The following TIMM17A variants were observed in gnomAD, a reference collection of about 807,000 sequenced individuals.
TIMM17A encodes the protein translocase of inner mitochondrial membrane 17A.
Under a neutral mutation model 26.5 loss-of-function variants are expected in TIMM17A, and 15 were observed. That is an observed-to-expected ratio of 0.57 (90% confidence interval 0.38 to 0.87). The LOEUF (loss-of-function observed/expected upper bound fraction) is 0.87, where lower values mean the gene tolerates loss of function less well. Ranked by LOEUF, TIMM17A falls within the 40% of genes least tolerant of loss-of-function variation. TIMM17A has a pLI of 0.00. For missense variants in TIMM17A, 201 were observed against 210.0 expected (o/e 0.96, Z 0.27); for synonymous variants, 80 against 70.8 (o/e 1.13, Z -0.66).
At chr1:201,966,991 T>TTGTGTGTGTGTGTGTGTGTGTG (rs759557626) in intron 5 of TIMM17A, among the ~76,000 whole-genome samples, 11 of 133,098 alleles carry the variant, frequency 8.3e-5, no homozygotes, top group Non-Finnish European at 1.3e-4. Flanking sequence ...ATTATATATG[T>TTGTGTGTGTGTGTGTGTGTGTG]TGTGTGTGTG....
intron 1 of TIMM17A, 79 bp downstream of exon 1, chr1:201,955,631 G>C (rs1341545048): frequency 6.3e-7 from 1 of 1,596,508 alleles, no homozygotes; most frequent in East Asian, 2.2e-5. Context: ...GGCTCCCAAG[G>C]TGCAAGCCAG....
rs541386379 is a variant in TIMM17A, at chr1:201,969,708, A to G, written c.*154A>G. The G allele has an allele frequency of 1.1e-5, 6 of 560,028 alleles. No individual in the cohort carries two copies. The highest frequency in any genetic ancestry group is 1.9e-5 in the African/African-American group (1 of 52,396). 34.7% of individuals were successfully genotyped at this position (560,028 alleles called of 1,614,324 possible). A position where few individuals can be genotyped will look rare whatever the true frequency, so the allele number is the denominator to read the frequency against. The stretch of plus-strand genomic sequence containing the variant: ...TTAGCACTTTTTTCTATTTAAAGGA[A>G]CAAGCGGGGAAGGGTGCTAAAAGAT... On this transcript the variant is annotated 3_prime_UTR_variant, in exon 6 of 6. Transcript: ENST00000367287.
rs538440916 is a variant in TIMM17A, at chr1:201,967,136, A to G, written c.430+1593A>G. ...TTTTGGAGCTTGGAAAAGATTCAGC[A>G]TAAAGTTAGGAATAGATCATACATC... On this transcript the variant is annotated intron_variant, in intron 5 of 5. Coordinates refer to ENST00000367287, the MANE Select transcript of TIMM17A (RefSeq NM_006335.3). 3.3e-5 allele frequency among the ~76,000 whole-genome samples: 5 copies of G among 151,978 alleles called. No individual in the cohort carries two copies. The East Asian group carries it at 9.6e-4, about 29-fold the overall frequency.
intron 5 of TIMM17A, among the ~76,000 whole-genome samples, chr1:201,968,247 C>T (rs963962320): frequency 6.6e-5 from 10 of 151,494 alleles, no homozygotes; most frequent in Admixed American, 4.6e-4. Flanking sequence ...GTGATCCGCC[C>T]GCCTTGACCT....
Position 201,957,386 on chromosome 1 carries a change from T to A in TIMM17A, c.126+6T>A. 6.2e-7 allele frequency: 1 copy of A among 1,608,540 alleles called. No individual in the cohort carries two copies. Among genetic ancestry groups the A allele is most frequent in the Non-Finnish European group, 8.5e-7 (1 of 1,175,086 alleles). Reference sequence around the variant, plus strand: ...GTTTTCGCAATTCTCCAGTGGTAAGTGGGTGAATGGTCTTATTTTATCATC... The same window carrying A: ...GTTTTCGCAATTCTCCAGTGGTAAGAGGGTGAATGGTCTTATTTTATCATC... On this transcript the variant is annotated splice_donor_region_variant and intron_variant, in intron 2 of 5. Transcript: ENST00000367287.
intron 5 of TIMM17A, among the ~76,000 whole-genome samples, chr1:201,968,972 T>C (rs1039023552): frequency 2.0e-5 from 3 of 152,192 alleles, no homozygotes; most frequent in Admixed American, 6.6e-5. Flanking sequence ...TGTTCTACAG[T>C]AAGCTAGGGG....
At chr1:201,961,125 G>A (rs1449256653) in intron 3 of TIMM17A, among the ~76,000 whole-genome samples, 1 of 151,014 alleles carries the variant, frequency 6.6e-6, no homozygotes, top group Non-Finnish European at 1.5e-5. Flanking sequence ...GAGTGCAATG[G>A]CGCGGTCTCG....
At chr1:201,956,469 T>C (rs1682410986) in intron 1 of TIMM17A, among the ~76,000 whole-genome samples, 2 of 152,166 alleles carry the variant, frequency 1.3e-5, no homozygotes, top group African/African-American at 4.8e-5. Flanking sequence ...TATGTTCCCC[T>C]CTCCCATAAA....
intron 5 of TIMM17A, 100 bp from the exon 6 acceptor site, chr1:201,969,368 AT>A (rs1053232657): frequency 3.8e-5 from 36 of 939,720 alleles, no homozygotes; most frequent in South Asian, 3.0e-4. Context: ...AATTTAGCAC[AT>A]TTTTTTGTTG....
intron 5 of TIMM17A, among the ~76,000 whole-genome samples, chr1:201,967,948 A>T (rs1486438953): frequency 2.0e-5 from 3 of 152,052 alleles, no homozygotes; most frequent in African/African-American, 4.8e-5. Flanking sequence ...TAGGGGGGAA[A>T]TCTTTGAAAA....
At chr1:201,958,118 CAA>C (rs1682462630) in intron 3 of TIMM17A, 1 of 152,754 alleles carries the variant, frequency 6.5e-6, no homozygotes, top group Non-Finnish European at 1.5e-5. Flanking sequence ...TCCTGGGCAA[CAA>C]GAGCGAAACT....
chr1:201,957,894 T>C (rs1358505220), intron 3 of TIMM17A: 1 of 219,278 alleles, frequency 4.6e-6, no homozygotes, highest in Non-Finnish European at 9.0e-6. Flanking sequence ...TCCCAGCACT[T>C]TGGGAGGCCG....
In TIMM17A at chr1:201,961,400, G is replaced by A. The variant is rs58025104; in HGVS notation, c.191-2216G>A. On this transcript the variant is annotated intron_variant, in intron 3 of 5. Coordinates refer to ENST00000367287, the MANE Select transcript of TIMM17A (RefSeq NM_006335.3). ...ATATTTTCATAGAGAAAATAAGATAGGATTTTGACATGTCCCTGTTACTCT... is the reference window on the plus strand; with the variant it reads ...ATATTTTCATAGAGAAAATAAGATAAGATTTTGACATGTCCCTGTTACTCT... Among the ~76,000 whole-genome samples the A allele has an allele frequency of 7.6e-3, 1,163 of 152,124 alleles. 15 individuals are homozygous for A. Among genetic ancestry groups the A allele is most frequent in the African/African-American group, 0.026 (1,090 of 41,520 alleles).
At position 201,955,534 on chromosome 1, in the gene TIMM17A, A is replaced by T. The variant is rs763958411; in HGVS notation, c.8A>T (p.Glu3Val). The change falls in exon 1 of 6, where the codon GAG becomes GTG. Residue 3 changes from glutamate to valine, a missense_variant. Glu to Val is a moderately radical substitution (Grantham distance 121). Transcript: ENST00000367287. ...CGCGGCATTGGAGTCAAGATGGAGGAGTACGCGCGAGAGCCTTGGTGAGCT... is the reference window on the plus strand; with the variant it reads ...CGCGGCATTGGAGTCAAGATGGAGGTGTACGCGCGAGAGCCTTGGTGAGCT... ME[E>V]YAREPCPWRI... is the part of the protein sequence containing the mutation. 1.9e-6 allele frequency: 3 copies of T among 1,614,250 alleles called. No individual in the cohort carries two copies. In the East Asian group the frequency reaches 6.7e-5, roughly 36 times the overall value.
chr1:201,962,949 A>G (rs891905543), intron 3 of TIMM17A: 5 of 152,268 alleles, frequency 3.3e-5, no homozygotes, highest in African/African-American at 1.2e-4. Context: ...GAAAGAAAAG[A>G]AGAACGAAAG....
intron 3 of TIMM17A, among the ~76,000 whole-genome samples, chr1:201,959,306 A>C (rs890271375): frequency 6.6e-6 from 1 of 151,814 alleles, no homozygotes; most frequent in Non-Finnish European, 1.5e-5. Context: ...CAGTGAGCCG[A>C]GATTGCACCA....
chr1:201,961,066 C>CTTT (rs71141429), intron 3 of TIMM17A, among the ~76,000 whole-genome samples: 118 of 136,064 alleles, frequency 8.7e-4, no homozygotes, highest in African/African-American at 3.0e-3. Flanking sequence ...CTTATATTTT[C>CTTT]TTTTTTTTTT....
intron 5 of TIMM17A, 38 bp from the exon 6 acceptor site, chr1:201,969,431 C>G: frequency 2.1e-6 from 3 of 1,447,186 alleles, no homozygotes; most frequent in Non-Finnish European, 2.9e-6. Flanking sequence ...ATATAATATT[C>G]AGGTGATTTT....
rs936661316 is a variant in TIMM17A at position 201,966,892 on chromosome 1, GTTATATA to G, written c.430+1358_430+1364del. Among the ~76,000 whole-genome samples the G allele has an allele frequency of 1.2e-3, 171 of 145,024 alleles. 1 individual carries two copies. Among genetic ancestry groups the G allele is most frequent in the African/African-American group, 4.0e-3 (158 of 39,514 alleles). ...TATATGTTATATATATGCTATATAT[GTTATATA>G]TTATATATGTTATATAATATGTATG... On this transcript the variant is annotated intron_variant, in intron 5 of 5. Coordinates refer to ENST00000367287, the MANE Select transcript of TIMM17A (RefSeq NM_006335.3).
Sources: allele counts gnomAD v4.1 joint callset (sites outside exome capture counted in the v4.1 genomes callset), GRCh38; gene constraint gnomAD v4.1.1; transcripts MANE v1.5; gene names NCBI Gene and HGNC (gene_info 2026-07-23, HGNC 2026-07-21).